The following NRG3 variants were observed in gnomAD, a reference collection of about 807,000 sequenced individuals.
The protein encoded by NRG3 is pro-neuregulin-3, membrane-bound isoform.
Under a neutral mutation model 66.9 loss-of-function variants are expected in NRG3, and 31 were observed. The observed-to-expected ratio is 0.46, with a 90% CI of 0.35 to 0.63. The LOEUF (loss-of-function observed/expected upper bound fraction) is 0.63. NRG3 is among the 20% of genes least tolerant of loss of function. The pLI is 0.00. For missense variants in NRG3, 910 were observed against 878.9 expected (o/e 1.04, Z -0.45); for synonymous variants, 393 against 359.4 (o/e 1.09, Z -1.06).
At chr10:82,650,378 G>A (rs1393162313) in intron 2 of NRG3, among the ~76,000 whole-genome samples, 1 of 152,086 alleles carries the variant, frequency 6.6e-6, no homozygotes, top group Non-Finnish European at 1.5e-5. Flanking sequence ...AAATGTTTTG[G>A]TACTTAATAT....
chr10:82,815,845 G>A (rs554160623), intron 3 of NRG3, among the ~76,000 whole-genome samples: 1 of 152,312 alleles, frequency 6.6e-6, no homozygotes, highest in African/African-American at 2.4e-5. Flanking sequence ...TGAGGGGTGT[G>A]TGGGCAAGCA....
intron 1 of NRG3, among the ~76,000 whole-genome samples, chr10:82,146,653 C>T (rs1409041564): frequency 6.6e-6 from 1 of 152,068 alleles, no homozygotes; most frequent in African/African-American, 2.4e-5. Flanking sequence ...CTAAGGCAAG[C>T]AGACATACAG....
At chr10:82,656,398 G>A (rs752032560) in intron 2 of NRG3, among the ~76,000 whole-genome samples, 1 of 143,738 alleles carries the variant, frequency 7.0e-6, no homozygotes, top group Non-Finnish European at 1.5e-5. Flanking sequence ...TACCAAATTT[G>A]AAAATAGAAA....
chr10:81,972,229 GA>G (rs577259503), intron 1 of NRG3, among the ~76,000 whole-genome samples: 17 of 152,236 alleles, frequency 1.1e-4, no homozygotes, highest in Non-Finnish European at 1.9e-4. Context: ...GGAAATTAAA[GA>G]ATATCTATAG....
At chr10:82,020,038 A>C (rs2061989649) in intron 1 of NRG3, among the ~76,000 whole-genome samples, 1 of 152,118 alleles carries the variant, frequency 6.6e-6, no homozygotes, top group East Asian at 1.9e-4. Flanking sequence ...TTAGGGTGTC[A>C]GTTTTAGATC....
chr10:81,968,483 C>T (rs2059811502), intron 1 of NRG3, among the ~76,000 whole-genome samples: 1 of 152,068 alleles, frequency 6.6e-6, no homozygotes, highest in South Asian at 2.1e-4. Context: ...CCTTTTTGTT[C>T]CTCTTGCACA....
chr10:82,024,366 C>A (rs1231047697), intron 1 of NRG3, among the ~76,000 whole-genome samples: 1 of 151,728 alleles, frequency 6.6e-6, no homozygotes. Flanking sequence ...TTTATTATTT[C>A]TTTTCTTCTA....
chr10:82,560,693 A>G (rs958035947), intron 2 of NRG3, among the ~76,000 whole-genome samples: 3 of 151,254 alleles, frequency 2.0e-5, no homozygotes, highest in Non-Finnish European at 4.4e-5. Flanking sequence ...CATCTTATCC[A>G]TATCATAATA....
intron 1 of NRG3, among the ~76,000 whole-genome samples, chr10:82,009,589 C>T (rs569322035): frequency 1.9e-4 from 29 of 152,278 alleles, no homozygotes; most frequent in African/African-American, 7.0e-4. Context: ...TTTCCTTTTA[C>T]ACTAAAGGAA....
chr10:82,950,501 C>A (rs1849416800), intron 4 of NRG3, among the ~76,000 whole-genome samples: 1 of 152,166 alleles, frequency 6.6e-6, no homozygotes, highest in Non-Finnish European at 1.5e-5. Context: ...GTACAGTTTT[C>A]TTCCCCCATT....
At chr10:82,873,973 GTTA>G (rs1413754574) in intron 4 of NRG3, among the ~76,000 whole-genome samples, 1 of 150,850 alleles carries the variant, frequency 6.6e-6, no homozygotes, top group East Asian at 1.9e-4. Flanking sequence ...ATCTTAAAAA[GTTA>G]TTATAAGATA....
chr10:82,875,538 T>A (rs976298751), intron 4 of NRG3, among the ~76,000 whole-genome samples: 9 of 152,104 alleles, frequency 5.9e-5, no homozygotes, highest in Non-Finnish European at 7.4e-5. Flanking sequence ...TTTATTTTTT[T>A]GTAGAGATGA....
At chr10:82,122,523 G>A (rs754680890) in intron 1 of NRG3, among the ~76,000 whole-genome samples, 1 of 152,084 alleles carries the variant, frequency 6.6e-6, no homozygotes, top group Non-Finnish European at 1.5e-5. Flanking sequence ...CATTCTTTCA[G>A]TAATGAGAGT....
chr10:82,948,113 G>C (rs1849187432), intron 4 of NRG3, among the ~76,000 whole-genome samples: 1 of 151,852 alleles, frequency 6.6e-6, no homozygotes, highest in African/African-American at 2.4e-5. Flanking sequence ...TTAGGATCCA[G>C]GTTCATTTTT....
At chr10:82,353,466 C>T (rs1329981349) in intron 1 of NRG3, among the ~76,000 whole-genome samples, 1 of 152,146 alleles carries the variant, frequency 6.6e-6, no homozygotes, top group Non-Finnish European at 1.5e-5. Context: ...ACCACCACCA[C>T]CTCTCACTGT....
chr10:82,305,071 T>A (rs2080645703), intron 1 of NRG3, among the ~76,000 whole-genome samples: 1 of 137,524 alleles, frequency 7.3e-6, no homozygotes, highest in Middle Eastern at 3.6e-3. Flanking sequence ...CTCAGCTCAC[T>A]GCAAGCTCCG....
At chr10:82,563,339 C>T (rs1001308328) in intron 2 of NRG3, among the ~76,000 whole-genome samples, 112 of 151,978 alleles carry the variant, frequency 7.4e-4, no homozygotes, top group African/African-American at 2.2e-3. Flanking sequence ...AGGGTTTCAC[C>T]GGGAGTTCTT....
chr10:82,864,245 C>G (rs2064301017), intron 3 of NRG3, among the ~76,000 whole-genome samples: 1 of 151,954 alleles, frequency 6.6e-6, no homozygotes. Context: ...ACTTTTGCAC[C>G]AACTTAATAA....
At chr10:82,766,172 C>T (rs2059504844) in intron 3 of NRG3, among the ~76,000 whole-genome samples, 1 of 152,128 alleles carries the variant, frequency 6.6e-6, no homozygotes, top group Non-Finnish European at 1.5e-5. Flanking sequence ...TTGATATTTT[C>T]TTGATAGGGA....
Sources: gnomAD v4.1 joint callset for allele counts (sites outside exome capture counted in the v4.1 genomes callset) on GRCh38, gnomAD v4.1.1 for gene constraint, MANE v1.5 for transcripts, NCBI Gene and HGNC (gene_info 2026-07-23, HGNC 2026-07-21) for gene names.